ANKFN1: variants seen among roughly 807,000 people sequenced by gnomAD.
ANKFN1 encodes ankyrin repeat and fibronectin type III domain containing 1, also known as ankyrin repeat and fibronectin type-III domain-containing protein 1.
A neutral mutation model predicts 108.7 loss-of-function variants in ANKFN1; 74 were observed. The ratio of observed to expected loss-of-function variants is 0.68; its 90% confidence interval spans 0.56 to 0.83. ANKFN1 has a LOEUF of 0.83. Ranked by LOEUF, ANKFN1 falls within the 40% of genes least tolerant of loss-of-function variation. The probability of loss-of-function intolerance (pLI) is 0.00; values close to 1 mark genes in which losing one functional copy is unlikely to be tolerated. For synonymous variants in ANKFN1, 547 were observed against 516.2 expected (o/e 1.06, Z -0.81); for missense variants, 1,505 against 1,382.3 (o/e 1.09, Z -1.41).
chr17:56,468,457 T>C (rs1290846766), intron 15 of ANKFN1, among the ~76,000 whole-genome samples: 3 of 151,886 alleles, frequency 2.0e-5, no homozygotes, highest in East Asian at 3.9e-4. Flanking sequence ...TAGGGATGAA[T>C]TGTATAGGAC....
intron 1 of ANKFN1, 133 bp downstream of exon 1, chr17:56,153,663 C>A: frequency 8.1e-7 from 1 of 1,233,926 alleles, no homozygotes; most frequent in Non-Finnish European, 1.2e-6. Flanking sequence ...CATGGTCAGG[C>A]AGAGGGAAAG....
chr17:56,427,328 C>T (rs933884595), intron 8 of ANKFN1, among the ~76,000 whole-genome samples: 1 of 152,136 alleles, frequency 6.6e-6, no homozygotes, highest in African/African-American at 2.4e-5. Context: ...AGGAGAAACA[C>T]TTGGCACCAG....
At position 56,251,216 on chromosome 17, in the gene ANKFN1, CCT is replaced by C. The variant is rs548698209; in HGVS notation, c.53+23262_53+23263del. Among the ~76,000 whole-genome samples, 177 of 152,252 alleles carry C rather than the reference CCT, an allele frequency of 1.2e-3. 2 individuals carry two copies. The highest frequency in any genetic ancestry group is 2.3e-3 in the Non-Finnish European group (157 of 68,014). On this transcript the variant is annotated intron_variant, in intron 3 of 20. Coordinates refer to ENST00000682825, the MANE Select transcript of ANKFN1 (RefSeq NM_001370326.1). ...GACCAGCCTGACCAACATGGTGAAA[CCT>C]CTGTCTCCACTAAAAATACAAAACA... is the stretch of plus-strand genomic sequence containing the variant.
rs555702802 is a variant in ANKFN1, at chr17:56,258,834, C to G, written c.53+30877C>G. On this transcript the variant is annotated intron_variant, in intron 3 of 20. Coordinates refer to ENST00000682825, the MANE Select transcript of ANKFN1 (RefSeq NM_001370326.1). The stretch of plus-strand genomic sequence containing the variant: ...GCTGAGGCAGGAGAATGGCGTGAAC[C>G]CGGGAGGCGGAGCTTGCAGTGAGCC... Among the ~76,000 whole-genome samples, 8 of 152,174 alleles carry G rather than the reference C, an allele frequency of 5.3e-5. No individual in the cohort carries two copies. In the East Asian group the frequency reaches 1.6e-3, roughly 30 times the overall value.
chr17:56,266,703 T>A (rs1323025098), intron 3 of ANKFN1, among the ~76,000 whole-genome samples: 1 of 152,180 alleles, frequency 6.6e-6, no homozygotes, highest in African/African-American at 2.4e-5. Context: ...TGTTTCTGCA[T>A]CTTTTGTAAA....
intron 4 of ANKFN1, among the ~76,000 whole-genome samples, chr17:56,110,043 T>C (rs991097865): frequency 6.6e-6 from 1 of 152,216 alleles, no homozygotes; most frequent in Admixed American, 6.5e-5. Flanking sequence ...TTTGTGGTGC[T>C]TAATTGCAAA....
chr17:56,185,625 C>A lies in ANKFN1; in HGVS notation c.-70-26973C>A, dbSNP rs185592973. On this transcript the variant is annotated intron_variant, in intron 1 of 20. Coordinates refer to ENST00000682825, the MANE Select transcript of ANKFN1 (RefSeq NM_001370326.1). ...TAGGGAGGAGACTAACATGGCAAAGCAAACTGCTCCCTCCCACCACAGAGT... is the reference window on the plus strand; with the variant it reads ...TAGGGAGGAGACTAACATGGCAAAGAAAACTGCTCCCTCCCACCACAGAGT... Among the ~76,000 whole-genome samples, 166 of 152,268 alleles carry A rather than the reference C, an allele frequency of 1.1e-3. 1 individual carries two copies. The highest frequency in any genetic ancestry group is 2.0e-3 in the Non-Finnish European group (138 of 68,016).
chr17:56,103,692 G>C (rs940629924), intron 4 of ANKFN1, among the ~76,000 whole-genome samples: 1 of 152,234 alleles, frequency 6.6e-6, no homozygotes, highest in Admixed American at 6.5e-5. Flanking sequence ...ATAAGGAAAT[G>C]AAATAAACAG....
intron 8 of ANKFN1, among the ~76,000 whole-genome samples, chr17:56,437,900 G>A (rs1308709540): frequency 6.6e-6 from 1 of 151,582 alleles, no homozygotes; most frequent in Admixed American, 6.6e-5. Flanking sequence ...GTTTCAAGGG[G>A]CAAGAAACTA....
At chr17:56,320,972 C>G (rs2045349693) in intron 3 of ANKFN1, among the ~76,000 whole-genome samples, 1 of 151,564 alleles carries the variant, frequency 6.6e-6, no homozygotes, top group African/African-American at 2.4e-5. Flanking sequence ...TATTTTGAGA[C>G]CGTTACTTTT....
chr17:56,163,422 C>T (rs1431647839), intron 1 of ANKFN1, among the ~76,000 whole-genome samples: 1 of 152,208 alleles, frequency 6.6e-6, no homozygotes, highest in Non-Finnish European at 1.5e-5. Context: ...GTGCAGAAAG[C>T]CCTGGCTGGC....
At chr17:56,260,493 C>G (rs937727288) in intron 3 of ANKFN1, among the ~76,000 whole-genome samples, 2 of 152,116 alleles carry the variant, frequency 1.3e-5, no homozygotes, top group African/African-American at 2.4e-5. Context: ...TTTCTAACAT[C>G]TCCTTTAAAA....
At position 56,084,251 on chromosome 17, in the gene ANKFN1, G is replaced by A. The variant is rs1905281636; in HGVS notation, c.288+37926G>A. 1.3e-5 allele frequency among the ~76,000 whole-genome samples: 2 copies of A among 151,378 alleles called. 1 individual carries two copies. The highest frequency in any genetic ancestry group is 3.0e-5 in the Non-Finnish European group (2 of 67,738). On this transcript the variant is annotated intron_variant, in intron 4 of 12. Coordinates refer to the ANKFN1 transcript ENST00000635860. ...TGGCCACCTCAGAGAGTGGGGACAA[G>A]GGAAACCAAGAGGATGAACAGGACG... is the stretch of plus-strand genomic sequence containing the variant.
At chr17:56,328,731 A>T (rs901832609) in intron 4 of ANKFN1, among the ~76,000 whole-genome samples, 5 of 151,492 alleles carry the variant, frequency 3.3e-5, no homozygotes, top group Admixed American at 2.0e-4. Context: ...AGCCAAACTC[A>T]TTATCTTTTC....
chr17:56,376,019 A>G (rs1029671268), intron 8 of ANKFN1, among the ~76,000 whole-genome samples: 1 of 152,220 alleles, frequency 6.6e-6, no homozygotes, highest in East Asian at 1.9e-4. Flanking sequence ...TCACAAGGAC[A>G]TATGGAATTA....
At chr17:56,457,135 C>T in intron 12 of ANKFN1, 122 bp from the exon 13 acceptor site, 2 of 1,140,514 alleles carry the variant, frequency 1.8e-6, no homozygotes, top group Non-Finnish European at 2.5e-6. Context: ...AACTAGTGAA[C>T]TTATGATACT....
At chr17:56,109,493 A>G (rs1354627267) in intron 4 of ANKFN1, among the ~76,000 whole-genome samples, 1 of 152,198 alleles carries the variant, frequency 6.6e-6, no homozygotes, top group Non-Finnish European at 1.5e-5. Context: ...ATCTGCAGAA[A>G]TTTCCAATGT....
chr17:56,181,853 A>G (rs940331531), intron 1 of ANKFN1, among the ~76,000 whole-genome samples: 4 of 152,140 alleles, frequency 2.6e-5, no homozygotes, highest in African/African-American at 7.2e-5. Context: ...CAGTGAGCCT[A>G]TGGGCATCAT....
chr17:56,233,869 A>G (rs1916918608), intron 3 of ANKFN1, among the ~76,000 whole-genome samples: 2 of 152,134 alleles, frequency 1.3e-5, no homozygotes, highest in South Asian at 4.1e-4. Flanking sequence ...TTAATGAGTA[A>G]GACAAAAATG....
Sources: gnomAD v4.1 joint callset for allele counts (sites outside exome capture counted in the v4.1 genomes callset) on GRCh38, gnomAD v4.1.1 for gene constraint, MANE v1.5 for transcripts, NCBI Gene and HGNC (gene_info 2026-07-23, HGNC 2026-07-21) for gene names.